The following FGGY variants were observed in gnomAD, a reference collection of about 807,000 sequenced individuals.
FGGY encodes the protein FGGY carbohydrate kinase domain containing, also known as FGGY carbohydrate kinase domain-containing protein.
Under a neutral mutation model 71.3 loss-of-function variants are expected in FGGY, and 72 were observed. That is an observed-to-expected ratio of 1.01 (90% CI 0.84 to 1.23). The LOEUF (loss-of-function observed/expected upper bound fraction) is 1.23. FGGY is among the 50% of genes most tolerant of loss of function. FGGY has a pLI of 0.00. For missense variants in FGGY, 668 were observed against 682.3 expected, an observed-to-expected ratio of 0.98 and a Z score of 0.23; for synonymous variants, 251 against 250.3, an observed-to-expected ratio of 1.00 and a Z score of -0.02.
chr1:59,653,349 A>AGCCTTGCTGCC (rs1476446334), intron 11 of FGGY, among the ~76,000 whole-genome samples: 2 of 151,968 alleles, frequency 1.3e-5, no homozygotes, highest in African/African-American at 4.8e-5. Flanking sequence ...CCCCTCCCCC[A>AGCCTTGCTGCC]GCCTTGCTGC....
chr1:59,615,485 A>T (rs2096741954), intron 9 of FGGY, among the ~76,000 whole-genome samples: 1 of 152,246 alleles, frequency 6.6e-6, no homozygotes, highest in South Asian at 2.1e-4. Flanking sequence ...CACCCTATAC[A>T]AAAATTAATT....
chr1:59,607,688 A>G (rs2096636336), intron 8 of FGGY, 115 bp from the exon 9 acceptor site: 2 of 724,482 alleles, frequency 2.8e-6, no homozygotes, highest in South Asian at 4.1e-5. Flanking sequence ...CTTCCCCACC[A>G]TAAAAGGCAT....
chr1:59,477,126 T>C (rs2093299696), intron 6 of FGGY, among the ~76,000 whole-genome samples: 1 of 152,190 alleles, frequency 6.6e-6, no homozygotes, highest in Non-Finnish European at 1.5e-5. Flanking sequence ...TATTTCAGTG[T>C]TCTTGAAAGG....
chr1:59,520,432 C>T (rs2094793885), intron 7 of FGGY, among the ~76,000 whole-genome samples: 1 of 152,200 alleles, frequency 6.6e-6, no homozygotes, highest in Non-Finnish European at 1.5e-5. Flanking sequence ...CTTTGTTACT[C>T]ATCCATCAGC....
At chr1:59,346,134 C>T in intron 3 of FGGY, 113 bp from the exon 4 acceptor site, 1 of 1,354,428 alleles carries the variant, frequency 7.4e-7, no homozygotes, top group Non-Finnish European at 1.0e-6. Context: ...ACTCTTGATA[C>T]ATAAAATTAT....
intron 5 of FGGY, among the ~76,000 whole-genome samples, chr1:59,420,437 T>C (rs1032945917): frequency 3.3e-5 from 5 of 152,228 alleles, no homozygotes; most frequent in African/African-American, 1.2e-4. Flanking sequence ...AGGGCTCTAT[T>C]ACCTTGCCAG....
chr1:59,669,102 C>T (rs2097352340), intron 13 of FGGY, among the ~76,000 whole-genome samples: 1 of 151,772 alleles, frequency 6.6e-6, no homozygotes, highest in African/African-American at 2.4e-5. Context: ...GTGTGAATCA[C>T]GCTGTAGACA....
At chr1:59,327,977 TTTG>T (rs2047734808) in intron 2 of FGGY, among the ~76,000 whole-genome samples, 1 of 152,244 alleles carries the variant, frequency 6.6e-6, no homozygotes, top group Non-Finnish European at 1.5e-5. Flanking sequence ...TCATCCAGGC[TTTG>T]TTGTTCCATT....
intron 2 of FGGY, among the ~76,000 whole-genome samples, chr1:59,328,269 C>T (rs1488259173): frequency 2.0e-5 from 3 of 152,236 alleles, no homozygotes; most frequent in African/African-American, 7.2e-5. Context: ...CCCAAATCAT[C>T]TGTATAACTT....
At chr1:59,621,086 T>A (rs1463358666) in intron 9 of FGGY, among the ~76,000 whole-genome samples, 1 of 152,100 alleles carries the variant, frequency 6.6e-6, no homozygotes. Flanking sequence ...TGACCTCACA[T>A]GGCCTTTTCT....
intron 4 of FGGY, among the ~76,000 whole-genome samples, chr1:59,361,296 C>T (rs555190001): frequency 2.0e-5 from 3 of 152,292 alleles, no homozygotes; most frequent in Admixed American, 2.0e-4. Context: ...TCCCAGGATG[C>T]TCATATTCTA....
intron 14 of FGGY, among the ~76,000 whole-genome samples, chr1:59,716,898 C>T (rs528018559): frequency 5.3e-5 from 8 of 152,240 alleles, no homozygotes; most frequent in African/African-American, 1.9e-4. Context: ...ATCAGCAAAT[C>T]CCTGGGAACT....
At chr1:59,493,354 C>T (rs2093937486) in intron 6 of FGGY, among the ~76,000 whole-genome samples, 1 of 152,144 alleles carries the variant, frequency 6.6e-6, no homozygotes, top group African/African-American at 2.4e-5. Flanking sequence ...TTAATAAAAG[C>T]ATCATTCACA....
At chr1:59,728,873 A>G (rs2097985877) in intron 14 of FGGY, among the ~76,000 whole-genome samples, 1 of 151,836 alleles carries the variant, frequency 6.6e-6, no homozygotes. Context: ...ATATTTTCAT[A>G]TTTATTCTAC....
At chr1:59,514,169 A>C (rs1472206421) in intron 7 of FGGY, among the ~76,000 whole-genome samples, 2 of 152,200 alleles carry the variant, frequency 1.3e-5, no homozygotes, top group African/African-American at 4.8e-5. Flanking sequence ...AGCAATCCTG[A>C]CATTCCAGAT....
At chr1:59,301,584 T>G (rs116471763) in intron 1 of FGGY, among the ~76,000 whole-genome samples, 3,144 of 152,274 alleles carry the variant, frequency 0.021, 98 homozygotes, top group African/African-American at 0.067. Context: ...TTGTATATCT[T>G]TTGTAGATAT....
intron 8 of FGGY, among the ~76,000 whole-genome samples, chr1:59,591,473 C>A (rs1464408977): frequency 3.3e-5 from 5 of 151,442 alleles, no homozygotes; most frequent in African/African-American, 7.3e-5. Flanking sequence ...AAAGAGCCCG[C>A]ATCGCCAAGT....
intron 5 of FGGY, among the ~76,000 whole-genome samples, chr1:59,422,042 A>G (rs1365418336): frequency 2.0e-5 from 3 of 152,202 alleles, no homozygotes; most frequent in Non-Finnish European, 1.5e-5. Flanking sequence ...GCCTATGTAG[A>G]AAAAGAGATT....
At chr1:59,686,559 A>G (rs1200099708) in intron 14 of FGGY, among the ~76,000 whole-genome samples, 1 of 151,942 alleles carries the variant, frequency 6.6e-6, no homozygotes, top group Non-Finnish European at 1.5e-5. Flanking sequence ...TCCCTGAAAG[A>G]TGGTCTGCTA....
Sources: gnomAD v4.1 joint callset for allele counts (sites outside exome capture counted in the v4.1 genomes callset) on GRCh38, gnomAD v4.1.1 for gene constraint, MANE v1.5 for transcripts, NCBI Gene and HGNC (gene_info 2026-07-23, HGNC 2026-07-21) for gene names.